RGS7: variants seen among roughly 807,000 people sequenced by gnomAD.
RGS7 encodes regulator of G-protein signaling 7.
Under a neutral mutation model 81.1 loss-of-function variants are expected in RGS7, and 27 were observed. That is an observed-to-expected ratio of 0.33 (90% CI 0.25 to 0.46). The LOEUF (loss-of-function observed/expected upper bound fraction) is 0.46, where lower values mean the gene tolerates loss of function less well. Among genes scored for constraint, RGS7 ranks in the 20% least tolerant of loss-of-function variants. RGS7 has a pLI of 1.00. For synonymous variants in RGS7, 208 were observed against 207.7 expected, an observed-to-expected ratio of 1.00 and a Z score of -0.01; for missense variants, 396 against 607.4, an observed-to-expected ratio of 0.65 and a Z score of 3.66.
intron 2 of RGS7, among the ~76,000 whole-genome samples, chr1:241,316,205 T>C (rs1218976931): frequency 1.3e-5 from 2 of 152,172 alleles, no homozygotes; most frequent in African/African-American, 2.4e-5. Flanking sequence ...TCTGCAGGCA[T>C]GCCACCCTCC....
intron 18 of RGS7, among the ~76,000 whole-genome samples, chr1:240,781,663 G>A (rs182849893): frequency 1.3e-3 from 204 of 152,244 alleles, no homozygotes; most frequent in Non-Finnish European, 2.2e-3. Context: ...TGTGCAATAA[G>A]GATATTTGTT....
intron 3 of RGS7, among the ~76,000 whole-genome samples, chr1:241,068,422 C>A (rs2062225047): frequency 6.6e-6 from 1 of 150,630 alleles, no homozygotes; most frequent in Non-Finnish European, 1.5e-5. Flanking sequence ...CTAAAACATC[C>A]TGAGCATCTT....
intron 5 of RGS7, 51 bp downstream of exon 5, chr1:240,936,549 C>A: frequency 7.2e-7 from 1 of 1,384,652 alleles, no homozygotes; most frequent in Non-Finnish European, 1.0e-6. Context: ...AACTAACAAA[C>A]GAAATGCGGG....
At chr1:240,809,634 G>A (rs1689495736) in intron 14 of RGS7, among the ~76,000 whole-genome samples, 1 of 152,146 alleles carries the variant, frequency 6.6e-6, no homozygotes, top group African/African-American at 2.4e-5. Flanking sequence ...TATAAAATGA[G>A]GCAATATTTA....
intron 2 of RGS7, among the ~76,000 whole-genome samples, chr1:241,153,987 A>G (rs2068937221): frequency 6.6e-6 from 1 of 152,156 alleles, no homozygotes; most frequent in African/African-American, 2.4e-5. Flanking sequence ...ACATGATAAA[A>G]ATGTGTAATG....
At chr1:240,963,773 G>A (rs780647286) in intron 4 of RGS7, among the ~76,000 whole-genome samples, 17 of 152,216 alleles carry the variant, frequency 1.1e-4, no homozygotes, top group Non-Finnish European at 1.5e-4. Flanking sequence ...ATGAATCAAT[G>A]TAAGAGTGTA....
intron 3 of RGS7, among the ~76,000 whole-genome samples, chr1:241,053,408 T>C (rs533732488): frequency 6.6e-6 from 1 of 152,324 alleles, no homozygotes; most frequent in Admixed American, 6.5e-5. Context: ...TAGGAGACTT[T>C]TCCTAGAGTT....
At chr1:241,014,648 C>T (rs1182129249) in intron 3 of RGS7, among the ~76,000 whole-genome samples, 2 of 152,116 alleles carry the variant, frequency 1.3e-5, no homozygotes, top group African/African-American at 4.8e-5. Flanking sequence ...GGAAACTGCT[C>T]AACTCATTTA....
intron 3 of RGS7, among the ~76,000 whole-genome samples, chr1:241,036,821 T>G (rs1449367736): frequency 6.6e-6 from 1 of 152,080 alleles, no homozygotes; most frequent in African/African-American, 2.4e-5. Flanking sequence ...CAATGTAAGG[T>G]GAACAGAAAT....
chr1:241,349,953 A>G (rs959714742), intron 2 of RGS7, among the ~76,000 whole-genome samples: 1 of 152,222 alleles, frequency 6.6e-6, no homozygotes, highest in Non-Finnish European at 1.5e-5. Context: ...AGGCTATTAG[A>G]AGGTAATAAA....
intron 6 of RGS7, among the ~76,000 whole-genome samples, chr1:240,879,832 T>A (rs1173486006): frequency 6.6e-6 from 1 of 152,222 alleles, no homozygotes; most frequent in Admixed American, 6.5e-5. Flanking sequence ...CTGTCATAGT[T>A]TTAAAAAATA....
At chr1:241,201,288 C>G (rs1193364397) in intron 2 of RGS7, among the ~76,000 whole-genome samples, 1 of 152,164 alleles carries the variant, frequency 6.6e-6, no homozygotes, top group South Asian at 2.1e-4. Flanking sequence ...ATCTTTCATT[C>G]TCTAATGGAC....
At chr1:241,154,057 G>A (rs567330971) in intron 2 of RGS7, among the ~76,000 whole-genome samples, 1 of 152,320 alleles carries the variant, frequency 6.6e-6, no homozygotes, top group African/African-American at 2.4e-5. Flanking sequence ...GGCAGCCCTG[G>A]ACTCCTAGTG....
At chr1:241,172,535 T>C (rs1046780982) in intron 2 of RGS7, among the ~76,000 whole-genome samples, 2 of 152,148 alleles carry the variant, frequency 1.3e-5, no homozygotes, top group African/African-American at 4.8e-5. Flanking sequence ...ATACCATTCA[T>C]AGTTTAAGGC....
chr1:240,990,771 A>G (rs1686339395), intron 3 of RGS7, among the ~76,000 whole-genome samples: 1 of 152,242 alleles, frequency 6.6e-6, no homozygotes, highest in South Asian at 2.1e-4. Flanking sequence ...TCAAAGGTCA[A>G]TGGAAACAAA....
At chr1:241,153,827 C>G (rs2068926000) in intron 2 of RGS7, among the ~76,000 whole-genome samples, 1 of 152,250 alleles carries the variant, frequency 6.6e-6, no homozygotes, top group African/African-American at 2.4e-5. Flanking sequence ...AATGGAGAAG[C>G]CAGTCTTAGG....
intron 2 of RGS7, among the ~76,000 whole-genome samples, chr1:241,111,495 C>T (rs556170820): frequency 6.6e-6 from 1 of 152,084 alleles, no homozygotes; most frequent in East Asian, 1.9e-4. Flanking sequence ...GAAACCTGGC[C>T]GAGGCCAGAT....
At chr1:240,782,424 T>C (rs925337227) in intron 18 of RGS7, among the ~76,000 whole-genome samples, 1 of 152,168 alleles carries the variant, frequency 6.6e-6, no homozygotes, top group Non-Finnish European at 1.5e-5. Context: ...TTTTAAAAAC[T>C]ATTTTTTAAA....
intron 2 of RGS7, among the ~76,000 whole-genome samples, chr1:241,326,412 T>C (rs2081497791): frequency 6.6e-6 from 1 of 152,192 alleles, no homozygotes; most frequent in Non-Finnish European, 1.5e-5. Flanking sequence ...CCTCCAGCTA[T>C]ACCACCTGCT....
Sources: gnomAD v4.1 joint callset for allele counts (sites outside exome capture counted in the v4.1 genomes callset) on GRCh38, gnomAD v4.1.1 for gene constraint, MANE v1.5 for transcripts, NCBI Gene and HGNC (gene_info 2026-07-23, HGNC 2026-07-21) for gene names.